Variants in MECOM observed in about 807,000 individuals in gnomAD.
MECOM encodes MDS1 and EVI1 complex locus.
Under a neutral mutation model 116.3 loss-of-function variants are expected in MECOM, and 13 were observed. The observed-to-expected ratio is 0.11, with a 90% CI of 0.07 to 0.18. The LOEUF (loss-of-function observed/expected upper bound fraction) is 0.18, where lower values mean the gene tolerates loss of function less well. Ranked by LOEUF, MECOM falls within the 10% of genes least tolerant of loss-of-function variation. The probability of loss-of-function intolerance (pLI) is 1.00; values close to 1 mark genes in which losing one functional copy is unlikely to be tolerated. For synonymous variants in MECOM, 528 were observed against 535.2 expected, an observed-to-expected ratio of 0.99 and a Z score of 0.19; for missense variants, 1,299 against 1,509.0, an observed-to-expected ratio of 0.86 and a Z score of 2.31.
chr3:169,551,458 ACG>A (rs1761396355), intron 1 of MECOM, among the ~76,000 whole-genome samples: 1 of 152,150 alleles, frequency 6.6e-6, no homozygotes, highest in Non-Finnish European at 1.5e-5. Context: ...GTCTTGGTTT[ACG>A]CAGTGCCCAT....
chr3:169,611,823 A>T lies in MECOM; in HGVS notation c.37+51513T>A, dbSNP rs1487073298. The stretch of plus-strand genomic sequence containing the variant: ...CCCAGTCTGATAATTATGTCCAGAA[A>T]TCAGTAAAGAACATCAATCTTGGTT... On this transcript the variant is annotated intron_variant, in intron 1 of 16. Transcript: ENST00000651503. This position sits in a 1 kb window ranked among gnomAD's most constrained non-coding sequence, Gnocchi z 4.1. Among the ~76,000 whole-genome samples, 1 of 152,202 alleles carries T rather than the reference A, an allele frequency of 6.6e-6. No individual in the cohort carries two copies. The highest frequency in any genetic ancestry group is 1.5e-5 in the Non-Finnish European group (1 of 68,038).
At chr3:169,253,849 C>T (rs1034994319) in intron 2 of MECOM, among the ~76,000 whole-genome samples, 4 of 152,098 alleles carry the variant, frequency 2.6e-5, no homozygotes, top group Non-Finnish European at 4.4e-5. Context: ...TGTACCCCAA[C>T]TACATTTAAC....
rs138174192 is a variant in MECOM, at chr3:169,659,427, C to T, written c.37+3909G>A. On this transcript the variant is annotated intron_variant, in intron 1 of 16. Coordinates refer to ENST00000651503, the MANE Select transcript of MECOM (RefSeq NM_004991.4). ...AAGAATGAAAAGCGTAATTAACCTT[C>T]CCCTAAACACAGATTTTTTTTTTTT... 5.2e-3 allele frequency among the ~76,000 whole-genome samples: 736 copies of T among 142,820 alleles called. 6 individuals carry two copies. Among genetic ancestry groups the T allele is most frequent in the Middle Eastern group, 0.037 (10 of 272 alleles). 93.7% of individuals were successfully genotyped at this position (142,820 alleles called of 152,430 possible).
chr3:169,499,430 A>G lies in MECOM; in HGVS notation c.38-117906T>C, dbSNP rs879711037. Among the ~76,000 whole-genome samples the G allele has an allele frequency of 1.4e-4, 22 of 151,954 alleles. No individual in the cohort carries two copies. In the East Asian group the frequency reaches 4.2e-3, roughly 29 times the overall value. ...CCTCAATAACCAGAGCTGCTAAAAA[A>G]CAATGGACAAGTATTTTCAAAGTTC... On this transcript the variant is annotated intron_variant, in intron 1 of 16. Coordinates refer to ENST00000651503, the MANE Select transcript of MECOM (RefSeq NM_004991.4).
chr3:169,612,726 C>T (rs764959947), intron 1 of MECOM, among the ~76,000 whole-genome samples: 1 of 152,110 alleles, frequency 6.6e-6, no homozygotes, highest in Non-Finnish European at 1.5e-5. Flanking sequence ...ACATAGAACC[C>T]ACAAATTCTC....
chr3:169,599,333 G>C (rs1767540888), intron 1 of MECOM, among the ~76,000 whole-genome samples: 1 of 152,050 alleles, frequency 6.6e-6, no homozygotes, highest in African/African-American at 2.4e-5. Flanking sequence ...GGCCAACATG[G>C]TGAAACCCCA....
chr3:169,139,153 C>T (rs952274046), intron 3 of MECOM, among the ~76,000 whole-genome samples: 1 of 152,116 alleles, frequency 6.6e-6, no homozygotes, highest in African/African-American at 2.4e-5. Flanking sequence ...CTGAGGGGCA[C>T]TCATTCTTCT....
At chr3:169,562,747 G>A (rs1762800376) in intron 1 of MECOM, among the ~76,000 whole-genome samples, 1 of 152,042 alleles carries the variant, frequency 6.6e-6, no homozygotes, top group Non-Finnish European at 1.5e-5. Flanking sequence ...AACAGTCTGG[G>A]GGGCTGCTTA....
At chr3:169,485,974 A>ATAC (rs1752241344) in intron 1 of MECOM, among the ~76,000 whole-genome samples, 1 of 45,826 alleles carries the variant, frequency 2.2e-5, no homozygotes, top group African/African-American at 1.1e-4. Flanking sequence ...CTATATATAC[A>ATAC]TATATATATA....
chr3:169,140,382 T>C (rs563064947), intron 3 of MECOM, among the ~76,000 whole-genome samples: 8 of 152,254 alleles, frequency 5.3e-5, no homozygotes, highest in African/African-American at 1.9e-4. Flanking sequence ...TATTATTTTA[T>C]GACTTGAGTG....
chr3:169,546,581 T>G (rs1371730432), intron 1 of MECOM, among the ~76,000 whole-genome samples: 1 of 152,194 alleles, frequency 6.6e-6, no homozygotes, highest in South Asian at 2.1e-4. Flanking sequence ...GAAAGAATAA[T>G]GGCATGTGGC....
At chr3:169,464,755 T>C (rs749979648) in intron 1 of MECOM, among the ~76,000 whole-genome samples, 16 of 152,134 alleles carry the variant, frequency 1.1e-4, no homozygotes, top group Non-Finnish European at 2.1e-4. Flanking sequence ...GCTATCCCAA[T>C]TCAGGTGAGA....
At chr3:169,463,692 A>G (rs1335520231) in intron 1 of MECOM, among the ~76,000 whole-genome samples, 1 of 152,148 alleles carries the variant, frequency 6.6e-6, no homozygotes, top group Admixed American at 6.6e-5. Flanking sequence ...TAAAACCTTA[A>G]ATATTTACAT....
chr3:169,264,232 TGG>T (rs1403889468), intron 2 of MECOM, among the ~76,000 whole-genome samples: 196 of 152,208 alleles, frequency 1.3e-3, no homozygotes, highest in Admixed American at 0.013. Context: ...CATAAATTGG[TGG>T]TGGTGGTTTA....
intron 2 of MECOM, among the ~76,000 whole-genome samples, chr3:169,171,143 T>A (rs1327703721): frequency 6.6e-6 from 1 of 152,220 alleles, no homozygotes; most frequent in Non-Finnish European, 1.5e-5. Flanking sequence ...ACATACTAAT[T>A]TTCTATCAGA....
At chr3:169,627,809 G>A (rs78049396) in intron 1 of MECOM, among the ~76,000 whole-genome samples, 2,948 of 152,142 alleles carry the variant, frequency 0.019, 29 homozygotes, top group Middle Eastern at 0.054. Flanking sequence ...TTACCATAAA[G>A]CACGTTTATA....
chr3:169,131,303 A>C, intron 4 of MECOM, 126 bp downstream of exon 4: 2 of 795,586 alleles, frequency 2.5e-6, no homozygotes, highest in Admixed American at 2.1e-5. Flanking sequence ...CAAGAGAAGG[A>C]ACTTGTTGAA....
intron 2 of MECOM, among the ~76,000 whole-genome samples, chr3:169,330,424 A>G (rs796461791): frequency 2.0e-5 from 3 of 152,312 alleles, no homozygotes; most frequent in African/African-American, 7.2e-5. Flanking sequence ...TCAGATAACT[A>G]TTATTTGAAA....
In MECOM at chr3:169,132,956, G is replaced by A. The variant is rs1254790455; in HGVS notation, c.511-1425C>T. On this transcript the variant is annotated intron_variant, in intron 3 of 16. Transcript: ENST00000651503. ...TTTGGTAGAGATGGGATTTCACTGT[G>A]TTACTCTGGCTGGTCTCGAACTCCT... Among the ~76,000 whole-genome samples the A allele has an allele frequency of 2.0e-5, 3 of 151,732 alleles. No homozygotes were observed. In the East Asian group the frequency reaches 5.8e-4, roughly 29 times the overall value.
Sources: gnomAD v4.1 joint callset for allele counts (sites outside exome capture counted in the v4.1 genomes callset) on GRCh38, gnomAD v4.1.1 for gene constraint, Gnocchi (gnomAD v3.1) non-coding constraint, MANE v1.5 for transcripts, NCBI Gene and HGNC (gene_info 2026-07-23, HGNC 2026-07-21) for gene names.